Variants in LRRTM4 observed in about 807,000 individuals in gnomAD.
The protein encoded by LRRTM4 is leucine rich repeat transmembrane neuronal 4.
In LRRTM4, 25 loss-of-function variants were observed where a neutral mutation model predicts 47.6. The ratio of observed to expected loss-of-function variants is 0.53; its 90% CI spans 0.38 to 0.73. The LOEUF (loss-of-function observed/expected upper bound fraction) is 0.73, where lower values mean the gene tolerates loss of function less well. Ranked by LOEUF, LRRTM4 falls within the 30% of genes least tolerant of loss-of-function variation. The pLI is 0.00. For missense variants in LRRTM4, 638 were observed against 713.4 expected (o/e 0.89, Z 1.20); for synonymous variants, 311 against 269.5 (o/e 1.15, Z -1.51).
At chr2:76,953,236 A>C (rs1237488962) in intron 3 of LRRTM4, among the ~76,000 whole-genome samples, 2 of 151,906 alleles carry the variant, frequency 1.3e-5, no homozygotes, top group East Asian at 1.9e-4. Context: ...GGATGTCACC[A>C]TGATAACACA....
chr2:77,243,089 T>C (rs1258525357), intron 3 of LRRTM4, among the ~76,000 whole-genome samples: 1 of 151,992 alleles, frequency 6.6e-6, no homozygotes, highest in African/African-American at 2.4e-5. Context: ...CTTGAGGAAA[T>C]TATGGTAAGT....
At chr2:76,907,501 AC>A (rs1161781321) in intron 3 of LRRTM4, among the ~76,000 whole-genome samples, 91 of 147,516 alleles carry the variant, frequency 6.2e-4, no homozygotes, top group African/African-American at 2.2e-3. Context: ...TCAGAGCAGA[AC>A]TGAAGGAAAT....
At chr2:77,007,768 TAG>T (rs894105501) in intron 3 of LRRTM4, among the ~76,000 whole-genome samples, 2 of 152,172 alleles carry the variant, frequency 1.3e-5, no homozygotes, top group African/African-American at 4.8e-5. Context: ...CATTCGGCTT[TAG>T]AGAGAGAGTT....
rs1481977806 is a variant in LRRTM4 at position 77,093,915 on chromosome 2, A to AC, written c.1552-345000dup. Among the ~76,000 whole-genome samples the AC allele has an allele frequency of 3.4e-5, 5 of 145,358 alleles. 2 individuals carry two copies. The Admixed American group carries it at 3.5e-4, about 10-fold the overall frequency. On this transcript the variant is annotated intron_variant, in intron 3 of 3. Coordinates refer to ENST00000409884, the MANE Select transcript of LRRTM4 (RefSeq NM_001134745.3). ...AAACACCCCCACTGAGCACCTTGCGACCCCCACTCCTGCCCGCCAGAGAAC... is the reference window on the plus strand; with the variant it reads ...AAACACCCCCACTGAGCACCTTGCGACCCCCCACTCCTGCCCGCCAGAGAAC...
intron 3 of LRRTM4, among the ~76,000 whole-genome samples, chr2:77,284,103 T>C (rs1676586132): frequency 6.6e-6 from 1 of 152,098 alleles, no homozygotes; most frequent in South Asian, 2.1e-4. Flanking sequence ...TATTTTGAAA[T>C]TGTGTTGTGT....
At chr2:76,855,428 G>A (rs1014301233) in intron 3 of LRRTM4, among the ~76,000 whole-genome samples, 2 of 152,098 alleles carry the variant, frequency 1.3e-5, no homozygotes, top group Non-Finnish European at 1.5e-5. Flanking sequence ...TCTACATTTT[G>A]CCTTATTTGA....
In LRRTM4 at chr2:77,336,770, G is replaced by A. The variant is rs569028259; in HGVS notation, c.1551+181548C>T. 1.1e-4 allele frequency among the ~76,000 whole-genome samples: 17 copies of A among 152,196 alleles called. No individual in the cohort carries two copies. In the South Asian group the frequency reaches 3.3e-3, roughly 30 times the overall value. ...CCACAGCCAAGATCATATACTGAATGGGCAAAAGTTGGAAGCATTCCCCTA... is the reference window on the plus strand; with the variant it reads ...CCACAGCCAAGATCATATACTGAATAGGCAAAAGTTGGAAGCATTCCCCTA... On this transcript the variant is annotated intron_variant, in intron 3 of 3. Coordinates refer to ENST00000409884, the MANE Select transcript of LRRTM4 (RefSeq NM_001134745.3).
intron 3 of LRRTM4, among the ~76,000 whole-genome samples, chr2:76,871,311 T>A (rs1208398921): frequency 6.6e-6 from 1 of 152,200 alleles, no homozygotes; most frequent in Non-Finnish European, 1.5e-5. Context: ...AATCTTCTGA[T>A]ATTACAGATA....
At chr2:77,056,140 T>C (rs1679598379) in intron 3 of LRRTM4, among the ~76,000 whole-genome samples, 1 of 151,550 alleles carries the variant, frequency 6.6e-6, no homozygotes, top group Admixed American at 6.6e-5. Context: ...TGTATACATA[T>C]GTAACAAACC....
intron 3 of LRRTM4, among the ~76,000 whole-genome samples, chr2:77,218,902 C>G (rs1356502068): frequency 6.6e-6 from 1 of 152,100 alleles, no homozygotes; most frequent in Non-Finnish European, 1.5e-5. Flanking sequence ...TGGGTCTCAG[C>G]CCTCAAGGGG....
chr2:76,983,648 C>G (rs950126043), intron 3 of LRRTM4, among the ~76,000 whole-genome samples: 1 of 151,994 alleles, frequency 6.6e-6, no homozygotes, highest in Non-Finnish European at 1.5e-5. Context: ...TGAGAATAGA[C>G]TTATACAGTA....
chr2:77,026,246 C>A (rs941138023), intron 3 of LRRTM4, among the ~76,000 whole-genome samples: 1 of 152,070 alleles, frequency 6.6e-6, no homozygotes, highest in African/African-American at 2.4e-5. Flanking sequence ...ATTTGAAGCA[C>A]TTTACATGCA....
At chr2:76,847,740 A>T (rs1385777432) in intron 3 of LRRTM4, among the ~76,000 whole-genome samples, 1 of 152,062 alleles carries the variant, frequency 6.6e-6, no homozygotes, top group Non-Finnish European at 1.5e-5. Flanking sequence ...TTTATTAACT[A>T]CTTTATAAGA....
At chr2:77,142,639 A>G (rs1426410894) in intron 3 of LRRTM4, among the ~76,000 whole-genome samples, 1 of 152,208 alleles carries the variant, frequency 6.6e-6, no homozygotes, top group African/African-American at 2.4e-5. Context: ...TTAATATAAT[A>G]ACAAGACCAT....
chr2:77,422,783 A>G (rs1446865019), intron 3 of LRRTM4, among the ~76,000 whole-genome samples: 1 of 152,146 alleles, frequency 6.6e-6, no homozygotes, highest in Non-Finnish European at 1.5e-5. Context: ...GCTGGTTCAA[A>G]ATAATCTAGA....
At chr2:76,949,675 C>G (rs1675436497) in intron 3 of LRRTM4, among the ~76,000 whole-genome samples, 1 of 151,918 alleles carries the variant, frequency 6.6e-6, no homozygotes. Context: ...CTCTGTGTTT[C>G]AATTAATGTA....
chr2:76,975,066 A>T (rs1250997937), intron 3 of LRRTM4, among the ~76,000 whole-genome samples: 2 of 151,774 alleles, frequency 1.3e-5, no homozygotes, highest in Non-Finnish European at 2.9e-5. Flanking sequence ...TAACAAAAAC[A>T]AACAAACCAA....
Position 76,959,443 on chromosome 2 carries a change from T to C in LRRTM4, c.1552-210527A>G, listed in dbSNP as rs182325776. 2.0e-5 allele frequency among the ~76,000 whole-genome samples: 3 copies of C among 150,024 alleles called. No homozygotes were observed. The East Asian group carries it at 6.0e-4, about 30-fold the overall frequency. Reference sequence around the variant, plus strand: ...AAAATCAGAAACATCAAAATATTTCTGGGGAAAAAAAACACGACAGAAATA... The same window carrying C: ...AAAATCAGAAACATCAAAATATTTCCGGGGAAAAAAAACACGACAGAAATA... On this transcript the variant is annotated intron_variant, in intron 3 of 3. Coordinates refer to ENST00000409884, the MANE Select transcript of LRRTM4 (RefSeq NM_001134745.3).
At chr2:77,311,204 T>C (rs1244273578) in intron 3 of LRRTM4, among the ~76,000 whole-genome samples, 1 of 152,202 alleles carries the variant, frequency 6.6e-6, no homozygotes, top group Admixed American at 6.5e-5. Flanking sequence ...GGCTTTTCAC[T>C]GGTAAGCAGA....
Sources: allele counts gnomAD v4.1 joint callset (sites outside exome capture counted in the v4.1 genomes callset), GRCh38; gene constraint gnomAD v4.1.1; transcripts MANE v1.5; gene names NCBI Gene and HGNC (gene_info 2026-07-23, HGNC 2026-07-21).